Variants in ASAP1 observed in about 807,000 individuals in gnomAD.
ASAP1 encodes the protein arf-GAP with SH3 domain, ANK repeat and PH domain-containing protein 1.
ASAP1 carries 43 observed loss-of-function variants against 145.2 expected under a neutral mutation model. The ratio of observed to expected loss-of-function variants is 0.30; its 90% CI spans 0.23 to 0.38. The LOEUF is 0.38. Ranked by LOEUF, ASAP1 falls within the 10% of genes least tolerant of loss-of-function variation. The pLI is 1.00. For missense variants in ASAP1, 1,018 were observed against 1,355.3 expected (o/e 0.75, Z 3.91); for synonymous variants, 546 against 515.5 (o/e 1.06, Z -0.80).
chr8:130,382,419 G>A (rs1827823868), intron 2 of ASAP1, among the ~76,000 whole-genome samples: 2 of 152,222 alleles, frequency 1.3e-5, no homozygotes, highest in Non-Finnish European at 1.5e-5. Flanking sequence ...AATACAAGGT[G>A]CTTAATAAAG....
chr8:130,427,415 A>G (rs1462461648), intron 1 of ASAP1, among the ~76,000 whole-genome samples: 1 of 152,216 alleles, frequency 6.6e-6, no homozygotes, highest in Non-Finnish European at 1.5e-5. Flanking sequence ...TAGGTTTCAC[A>G]AGCACCAATA....
chr8:130,434,327 C>A (rs1244967816), intron 1 of ASAP1, among the ~76,000 whole-genome samples: 3 of 151,782 alleles, frequency 2.0e-5, no homozygotes, highest in African/African-American at 7.3e-5. Flanking sequence ...AGAGTGAGAC[C>A]TTGTCTCAAA....
At chr8:130,349,651 G>C (rs551993535) in intron 3 of ASAP1, among the ~76,000 whole-genome samples, 2 of 152,284 alleles carry the variant, frequency 1.3e-5, no homozygotes, top group South Asian at 2.1e-4. Context: ...CCTCAGTAGA[G>C]AGCAGTCCTA....
chr8:130,225,423 AAAGT>A (rs757391819), intron 4 of ASAP1, among the ~76,000 whole-genome samples: 11 of 152,356 alleles, frequency 7.2e-5, no homozygotes, highest in Non-Finnish European at 1.5e-4. Context: ...AGGGTTCGTT[AAAGT>A]AAGTTATTAA....
chr8:130,225,934 C>T (rs993466666), intron 4 of ASAP1, among the ~76,000 whole-genome samples: 34 of 151,980 alleles, frequency 2.2e-4, no homozygotes, highest in African/African-American at 7.3e-4. Flanking sequence ...GCTGTAATGC[C>T]GCGGCATGGT....
At chr8:130,221,507 C>T (rs1039653038) in intron 4 of ASAP1, among the ~76,000 whole-genome samples, 1 of 152,102 alleles carries the variant, frequency 6.6e-6, no homozygotes, top group Non-Finnish European at 1.5e-5. Flanking sequence ...TTTATCTTCC[C>T]TATAATTTAC....
At chr8:130,068,696 T>C (rs2097435454) in intron 27 of ASAP1, among the ~76,000 whole-genome samples, 1 of 152,214 alleles carries the variant, frequency 6.6e-6, no homozygotes, top group Admixed American at 6.5e-5. Context: ...TAAAAGCCAC[T>C]GTAAGGTCTG....
At chr8:130,246,589 T>A (rs1369921704) in intron 3 of ASAP1, among the ~76,000 whole-genome samples, 2 of 152,188 alleles carry the variant, frequency 1.3e-5, no homozygotes, top group Non-Finnish European at 1.5e-5. Context: ...GTCTTTGCCT[T>A]CTGCCATGAC....
chr8:130,281,067 G>T (rs574781756), intron 3 of ASAP1, among the ~76,000 whole-genome samples: 92 of 152,168 alleles, frequency 6.0e-4, no homozygotes, highest in Middle Eastern at 3.4e-3. Flanking sequence ...CATTATACTT[G>T]GTGGCTGTGT....
At chr8:130,132,687 G>T (rs1259210180) in intron 15 of ASAP1, among the ~76,000 whole-genome samples, 1 of 152,182 alleles carries the variant, frequency 6.6e-6, no homozygotes, top group Admixed American at 6.5e-5. Context: ...CAGGGCAGGG[G>T]CTCCATCTAA....
chr8:130,190,468 G>C (rs575583537), intron 5 of ASAP1, among the ~76,000 whole-genome samples: 1 of 152,232 alleles, frequency 6.6e-6, no homozygotes, highest in East Asian at 1.9e-4. Flanking sequence ...CTGTGAGCAT[G>C]TGAATTTATC....
chr8:130,073,084 T>C (rs1212632369), intron 27 of ASAP1, among the ~76,000 whole-genome samples: 5 of 150,150 alleles, frequency 3.3e-5, no homozygotes, highest in Non-Finnish European at 5.9e-5. Flanking sequence ...TAGGCTGTTG[T>C]TGGTGAATTC....
intron 9 of ASAP1, among the ~76,000 whole-genome samples, chr8:130,173,550 G>A (rs1002967573): frequency 4.6e-5 from 7 of 152,138 alleles, no homozygotes; most frequent in Non-Finnish European, 8.8e-5. Context: ...ACGATTGCTT[G>A]AGCCCAGGAG....
chr8:130,317,479 T>C (rs1823735324), intron 3 of ASAP1, among the ~76,000 whole-genome samples: 1 of 152,198 alleles, frequency 6.6e-6, no homozygotes, highest in Non-Finnish European at 1.5e-5. Flanking sequence ...GATGGAGTAG[T>C]TCAAAGTAAG....
chr8:130,381,256 T>A (rs927918168), intron 2 of ASAP1, among the ~76,000 whole-genome samples: 7 of 152,162 alleles, frequency 4.6e-5, no homozygotes, highest in Non-Finnish European at 1.0e-4. Flanking sequence ...CTTAAACTCC[T>A]GGTCTCAAGC....
At chr8:130,197,077 C>T (rs1440721387) in intron 5 of ASAP1, among the ~76,000 whole-genome samples, 1 of 152,254 alleles carries the variant, frequency 6.6e-6, no homozygotes, top group Non-Finnish European at 1.5e-5. Flanking sequence ...TTTAACCTTG[C>T]TGGTGTCCCA....
intron 3 of ASAP1, among the ~76,000 whole-genome samples, chr8:130,321,687 T>C (rs1824015063): frequency 6.6e-6 from 1 of 152,210 alleles, no homozygotes; most frequent in Non-Finnish European, 1.5e-5. Flanking sequence ...AAATGATTAC[T>C]AGTCACTTAA....
At chr8:130,298,796 G>A (rs1055324031) in intron 3 of ASAP1, among the ~76,000 whole-genome samples, 2 of 152,128 alleles carry the variant, frequency 1.3e-5, no homozygotes, top group African/African-American at 4.8e-5. Context: ...GGGAGACAAG[G>A]CTGGGTGCCC....
intron 25 of ASAP1, among the ~76,000 whole-genome samples, chr8:130,085,532 C>T (rs1241644564): frequency 1.3e-5 from 2 of 151,890 alleles, no homozygotes; most frequent in African/African-American, 4.8e-5. Context: ...CCCAGGAGTT[C>T]GAGACCAGCC....
Sources: gnomAD v4.1 joint callset for allele counts (sites outside exome capture counted in the v4.1 genomes callset) on GRCh38, gnomAD v4.1.1 for gene constraint, MANE v1.5 for transcripts, NCBI Gene and HGNC (gene_info 2026-07-23, HGNC 2026-07-21) for gene names.